The following GPHN variants were observed in gnomAD, a reference collection of about 807,000 sequenced individuals.
GPHN encodes the protein gephyrin.
A neutral mutation model predicts 95.5 loss-of-function variants in GPHN; 17 were observed. The ratio of observed to expected loss-of-function variants is 0.18; its 90% CI spans 0.12 to 0.27. The LOEUF is 0.27. Among genes scored for constraint, GPHN ranks in the 10% least tolerant of loss-of-function variants. The pLI, the probability that GPHN is intolerant of heterozygous loss-of-function variation, is 1.00. For synonymous variants in GPHN, 320 were observed against 322.5 expected (o/e 0.99, Z 0.08); for missense variants, 660 against 978.1 (o/e 0.67, Z 4.34).
chr14:66,615,258 C>T (rs1273267581), intron 1 of GPHN, among the ~76,000 whole-genome samples: 1 of 152,134 alleles, frequency 6.6e-6, no homozygotes, highest in Non-Finnish European at 1.5e-5. Flanking sequence ...AATGGTATTT[C>T]TGGTTCTAGA....
chr14:67,703,454 T>C, the GPHN span, among the ~76,000 whole-genome samples: 1 of 152,246 alleles, frequency 6.6e-6, no homozygotes, highest in East Asian at 1.9e-4. Context: ...AAGTTAGTAA[T>C]ACTATAAACA....
chr14:67,503,949 G>A, the GPHN span, among the ~76,000 whole-genome samples: 1 of 151,860 alleles, frequency 6.6e-6, no homozygotes, highest in African/African-American at 2.4e-5. Flanking sequence ...TGATCTGCCT[G>A]CCTCAGCTTC....
intron 1 of GPHN, among the ~76,000 whole-genome samples, chr14:66,552,988 C>CTTTTTTT (rs2059875504): frequency 1.5e-5 from 2 of 131,850 alleles, no homozygotes; most frequent in African/African-American, 5.7e-5. Context: ...TTTTTCTTTT[C>CTTTTTTT]TTTTCTTTTT....
chr14:66,779,729 A>C (rs1232430995), intron 3 of GPHN, among the ~76,000 whole-genome samples: 3 of 152,148 alleles, frequency 2.0e-5, no homozygotes, highest in Admixed American at 1.3e-4. Flanking sequence ...TAGGGTATAA[A>C]ATAAAGACTG....
chr14:66,650,961 C>T (rs2065012723), intron 1 of GPHN, among the ~76,000 whole-genome samples: 1 of 152,140 alleles, frequency 6.6e-6, no homozygotes, highest in South Asian at 2.1e-4. Context: ...CAGCATTTTA[C>T]AGGATGTGAT....
the GPHN span, among the ~76,000 whole-genome samples, chr14:67,419,366 G>A: frequency 1.3e-5 from 2 of 152,100 alleles, no homozygotes; most frequent in Non-Finnish European, 2.9e-5. Flanking sequence ...CCACCTGGCT[G>A]GTCATCAAAA....
At chr14:67,356,392 G>A in the GPHN span, among the ~76,000 whole-genome samples, 1 of 150,628 alleles carries the variant, frequency 6.6e-6, no homozygotes, top group East Asian at 1.9e-4. Context: ...CTGCACTCCA[G>A]CCTGGGCAAC....
At chr14:67,284,974 C>CA in the GPHN span, among the ~76,000 whole-genome samples, 11 of 151,764 alleles carry the variant, frequency 7.2e-5, no homozygotes, top group Non-Finnish European at 1.2e-4. Flanking sequence ...TGGTCTTGAC[C>CA]TCCTGGCCTC....
At chr14:67,683,773 C>G in the GPHN span, among the ~76,000 whole-genome samples, 1 of 152,226 alleles carries the variant, frequency 6.6e-6, no homozygotes, top group South Asian at 2.1e-4. Context: ...CTTAGCCTGG[C>G]TCTTCAGTCT....
chr14:67,465,821 T>C, the GPHN span, among the ~76,000 whole-genome samples: 2 of 152,270 alleles, frequency 1.3e-5, no homozygotes, highest in South Asian at 4.2e-4. Flanking sequence ...ATTACCCGGG[T>C]GGGCCCTACA....
chr14:66,951,449 G>T (rs1044529889), intron 8 of GPHN, among the ~76,000 whole-genome samples: 1 of 149,900 alleles, frequency 6.7e-6, no homozygotes, highest in Non-Finnish European at 1.5e-5. Flanking sequence ...CTGGAAGGCG[G>T]AAGTTGCAGT....
At chr14:67,412,795 T>C in the GPHN span, among the ~76,000 whole-genome samples, 2 of 152,086 alleles carry the variant, frequency 1.3e-5, no homozygotes, top group Admixed American at 6.5e-5. Flanking sequence ...GACAGGGTCT[T>C]TCTCTGTCAC....
chr14:66,778,931 A>G (rs2153462640), intron 3 of GPHN, among the ~76,000 whole-genome samples: 1 of 151,628 alleles, frequency 6.6e-6, no homozygotes, highest in African/African-American at 2.4e-5. Flanking sequence ...TTTAGTAGAG[A>G]TAAATTTTCT....
intron 2 of GPHN, among the ~76,000 whole-genome samples, chr14:66,759,554 C>T (rs547244311): frequency 8.3e-4 from 127 of 152,258 alleles, no homozygotes; most frequent in Middle Eastern, 6.8e-3. Context: ...AATAGCAACC[C>T]CTGCTCTTTT....
chr14:67,386,358 A>G, the GPHN span: 1 of 152,358 alleles, frequency 6.6e-6, no homozygotes, highest in Admixed American at 6.5e-5. Context: ...ATTTTTACTT[A>G]AGCACTTTGA....
At chr14:66,814,796 C>T (rs916083639) in intron 3 of GPHN, among the ~76,000 whole-genome samples, 2 of 152,078 alleles carry the variant, frequency 1.3e-5, no homozygotes, top group Non-Finnish European at 2.9e-5. Flanking sequence ...CAGCAAGGGT[C>T]CAGAACATGG....
chr14:67,578,171 G>A, the GPHN span: 16 of 1,613,748 alleles, frequency 9.9e-6, no homozygotes, highest in South Asian at 5.5e-5. This position sits in a 1 kb window ranked among gnomAD's most constrained non-coding sequence, Gnocchi z 5.0. Context: ...ACCAGCTGCC[G>A]CCCACCTCAG....
the GPHN span, among the ~76,000 whole-genome samples, chr14:67,232,950 C>A: frequency 6.6e-6 from 1 of 152,046 alleles, no homozygotes; most frequent in East Asian, 1.9e-4. Flanking sequence ...CAGATTTACA[C>A]AGCTACAAAT....
rs759432514 is a variant in GPHN, at chr14:66,879,959, A to G, written c.315A>G (p.Glu105=). ...TACAGGCCACAAAAGAAGTAATAGA[A>G]CGGGAAGCACCAGGGATGGCCCTGG... ...VTPEATKEVI[E]REAPGMALAM... Residue 105 remains glutamate (E), a synonymous_variant, in exon 5 of 23, where the codon GAA becomes GAG. Transcript: ENST00000478722. 1.2e-6 allele frequency: 2 copies of G among 1,609,596 alleles called. No individual in the cohort carries two copies. The highest frequency in any genetic ancestry group is 1.7e-5 in the Admixed American group (1 of 59,880).
Sources: allele counts gnomAD v4.1 joint callset (sites outside exome capture counted in the v4.1 genomes callset), GRCh38; gene constraint gnomAD v4.1.1; non-coding constraint Gnocchi (gnomAD v3.1); transcripts MANE v1.5; gene names NCBI Gene and HGNC (gene_info 2026-07-23, HGNC 2026-07-21).